Variants in XPA observed in about 807,000 individuals in gnomAD.
The protein encoded by XPA is DNA repair protein complementing XP-A cells.
A neutral mutation model predicts 35.7 loss-of-function variants in XPA; 27 were observed. The ratio of observed to expected loss-of-function variants is 0.76; its 90% CI spans 0.56 to 1.04. The LOEUF (loss-of-function observed/expected upper bound fraction) is 1.04, where lower values mean the gene tolerates loss of function less well. Ranked by LOEUF, XPA falls within the 50% of genes least tolerant of loss-of-function variation. The pLI is 0.00. For synonymous variants in XPA, 133 were observed against 118.4 expected (o/e 1.12, Z -0.80); for missense variants, 354 against 342.7 (o/e 1.03, Z -0.26).
At chr9:97,669,490 C>T in the XPA span, 6 of 721,598 alleles carry the variant, frequency 8.3e-6, no homozygotes, top group South Asian at 1.7e-5. Flanking sequence ...ACCACAAAGA[C>T]AGGGTGGAAC....
At chr9:97,676,159 G>T (rs933200464) in intron 5 of XPA, among the ~76,000 whole-genome samples, 1 of 152,160 alleles carries the variant, frequency 6.6e-6, no homozygotes, top group African/African-American at 2.4e-5. Context: ...ATTATTTTAG[G>T]AGAGGGCTAA....
chr9:97,663,863 A>C, the XPA span, among the ~76,000 whole-genome samples: 3 of 151,906 alleles, frequency 2.0e-5, no homozygotes. Context: ...AGAGCAAAGC[A>C]AAGGGGAGAA....
intron 3 of XPA, among the ~76,000 whole-genome samples, chr9:97,687,994 A>G (rs1454928476): frequency 1.3e-5 from 2 of 152,208 alleles, no homozygotes; most frequent in Admixed American, 6.5e-5. Flanking sequence ...ATTCTATCAC[A>G]AAAACATAAA....
At chr9:97,672,916 C>CA (rs1274759314), downstream of XPA, 1 of 152,964 alleles carries the variant, frequency 6.5e-6, no homozygotes, top group Admixed American at 6.5e-5. Context: ...ATCACAAGGT[C>CA]AGGAGATTGA....
At chr9:97,694,762 CA>C (rs1369851982) in intron 1 of XPA, among the ~76,000 whole-genome samples, 1 of 152,064 alleles carries the variant, frequency 6.6e-6, no homozygotes, top group Non-Finnish European at 1.5e-5. Flanking sequence ...GGCATATACA[CA>C]AGAGAAGTGA....
At chr9:97,674,046 AG>A (rs58816772), downstream of XPA, among the ~76,000 whole-genome samples, 22,784 of 152,232 alleles carry the variant, frequency 0.15, 1,841 homozygotes, top group Non-Finnish European at 0.17. Flanking sequence ...CCCTCTTTAC[AG>A]ATAAAAACAG....
the XPA span, among the ~76,000 whole-genome samples, chr9:97,655,393 A>ATT: frequency 3.3e-5 from 5 of 151,832 alleles, no homozygotes; most frequent in Admixed American, 3.3e-4. Context: ...AATTTCATAA[A>ATT]ATTTTTTTTT....
intron 1 of XPA, 122 bp from the exon 2 acceptor site, chr9:97,693,881 C>T (rs1828965552): frequency 1.1e-6 from 1 of 906,092 alleles, no homozygotes. Context: ...TGTCCACAAT[C>T]ACTACTTCTA....
chr9:97,670,955 C>T, downstream of XPA: 2 of 527,714 alleles, frequency 3.8e-6, no homozygotes, highest in South Asian at 3.3e-5. Flanking sequence ...TCCATTGTTC[C>T]TATCAGCACT....
At chr9:97,668,141 G>A in the XPA span, among the ~76,000 whole-genome samples, 2 of 152,324 alleles carry the variant, frequency 1.3e-5, no homozygotes, top group African/African-American at 4.8e-5. Context: ...CCTTCTTGCT[G>A]AAAGTACCTT....
At chr9:97,667,238 A>G in the XPA span, among the ~76,000 whole-genome samples, 178 of 152,264 alleles carry the variant, frequency 1.2e-3, no homozygotes, top group Middle Eastern at 3.4e-3. Context: ...GATACTTAAC[A>G]CTTTCCCCGT....
chr9:97,655,828 C>A, the XPA span: 1 of 1,455,422 alleles, frequency 6.9e-7, no homozygotes, highest in Non-Finnish European at 9.4e-7. Flanking sequence ...AAAACTGTAA[C>A]ATAAAAGTGT....
At chr9:97,688,783 A>G (rs1365551812) in intron 3 of XPA, among the ~76,000 whole-genome samples, 1 of 151,996 alleles carries the variant, frequency 6.6e-6, no homozygotes, top group East Asian at 1.9e-4. Flanking sequence ...GCCAATCATG[A>G]TGGCTCCCAA....
the XPA span, chr9:97,664,225 C>G: frequency 1.6e-6 from 1 of 606,090 alleles, no homozygotes; most frequent in Non-Finnish European, 2.8e-6. Context: ...TCCATAGCCA[C>G]CAAAACTAAA....
the XPA span, among the ~76,000 whole-genome samples, chr9:97,662,793 C>G: frequency 2.6e-5 from 4 of 152,208 alleles, no homozygotes; most frequent in South Asian, 8.3e-4. Context: ...TAAAAACTAT[C>G]AATCTGTGAT....
chr9:97,689,393 G>A (rs1466476008), intron 3 of XPA, 141 bp downstream of exon 3: 2 of 667,626 alleles, frequency 3.0e-6, no homozygotes, highest in Non-Finnish European at 5.3e-6. Context: ...TGGCAAAATA[G>A]AAACCATAGA....
chr9:97,662,633 T>A, the XPA span, among the ~76,000 whole-genome samples: 6 of 152,246 alleles, frequency 3.9e-5, no homozygotes, highest in Non-Finnish European at 8.8e-5. Context: ...CAAGGCTTTA[T>A]ATTACTTGCA....
rs1829079236 is a variant in XPA, at chr9:97,697,191, C to T, written c.102G>A (p.Arg34=). Reference sequence around the variant, plus strand: ...GCCGGGCCTGGCGCAGCATCAGTGCCCGCTGCCGCTTCCGCTCGATACTCG... The same window carrying T: ...GCCGGGCCTGGCGCAGCATCAGTGCTCGCTGCCGCTTCCGCTCGATACTCG... The part of the protein sequence containing the change: ...VRASIERKRQ[R]ALMLRQARLA... The change falls in exon 1 of 6, where the codon CGG becomes CGA. Residue 34 remains arginine (R), a synonymous_variant. Coordinates refer to ENST00000375128, the MANE Select transcript of XPA (RefSeq NM_000380.4). 1 of 1,597,346 alleles carries T rather than the reference C, an allele frequency of 6.3e-7. No homozygotes were observed. The highest frequency in any genetic ancestry group is 1.3e-5 in the African/African-American group (1 of 74,392).
chr9:97,680,850 G>A (rs1206943490), intron 5 of XPA, among the ~76,000 whole-genome samples: 1 of 152,176 alleles, frequency 6.6e-6, no homozygotes, highest in African/African-American at 2.4e-5. Flanking sequence ...GAAACCTGGG[G>A]TGGGTGCAGG....
Sources: allele counts gnomAD v4.1 joint callset (sites outside exome capture counted in the v4.1 genomes callset), GRCh38; gene constraint gnomAD v4.1.1; transcripts MANE v1.5; gene names NCBI Gene and HGNC (gene_info 2026-07-23, HGNC 2026-07-21).